The following CARD14 variants were observed in gnomAD, a reference collection of about 807,000 sequenced individuals.
CARD14 encodes caspase recruitment domain family member 14.
In CARD14, 107 loss-of-function variants were observed where a neutral mutation model predicts 111.5. The ratio of observed to expected loss-of-function variants is 0.96; its 90% CI spans 0.82 to 1.13. The LOEUF (loss-of-function observed/expected upper bound fraction) is 1.13, where lower values mean the gene tolerates loss of function less well. Ranked by LOEUF, CARD14 falls within the 50% of genes most tolerant of loss-of-function variation. The pLI is 0.00. For synonymous variants in CARD14, 617 were observed against 579.6 expected, an observed-to-expected ratio of 1.06 and a Z score of -0.93; for missense variants, 1,322 against 1,362.3, an observed-to-expected ratio of 0.97 and a Z score of 0.47.
At chr17:80,177,175 A>G (rs1349839552) in intron 2 of CARD14, among the ~76,000 whole-genome samples, 4 of 151,656 alleles carry the variant, frequency 2.6e-5, no homozygotes, top group Non-Finnish European at 5.9e-5. Flanking sequence ...CTCTGCCAAC[A>G]TGGGGTGATC....
rs372805579 is a variant in CARD14, at chr17:80,195,302, G to A, written c.1468G>A (p.Glu490Lys). 2.6e-5 allele frequency: 42 copies of A among 1,612,620 alleles called. No homozygotes were observed. The highest frequency in any genetic ancestry group is 3.2e-5 in the Non-Finnish European group (38 of 1,179,566). ...GCAGTCCCTGTACAAGCGGGTGGCC[G>A]AGGACTTCGGGGAAGAACCCTGGTC... is the stretch of plus-strand genomic sequence containing the variant. ...SQQSLYKRVA[E>K]DFGEEPWSFS... Residue 490 changes from glutamate to lysine, a missense_variant, in exon 13 of 24, where the codon GAG becomes AAG. Glu to Lys is a moderately conservative substitution (Grantham distance 56). Coordinates refer to ENST00000648509, the MANE Select transcript of CARD14 (RefSeq NM_001366385.1). This position sits in a 1 kb window ranked among gnomAD's most constrained non-coding sequence, Gnocchi z 4.7.
chr17:80,188,100 G>C lies in CARD14; in HGVS notation c.676-277G>C, dbSNP rs2040404928. ...AGAGATCCAGGAGTTGGTTATCAAGGCCTCTTGGTCTATTCCTGGGACCCT... is the reference window on the plus strand; with the variant it reads ...AGAGATCCAGGAGTTGGTTATCAAGCCCTCTTGGTCTATTCCTGGGACCCT... On this transcript the variant is annotated intron_variant, in intron 7 of 23. Transcript: ENST00000648509. The surrounding 1 kb of genome is among the most constrained non-coding windows in gnomAD (Gnocchi z 4.5). The C allele has an allele frequency of 1.9e-6, 1 of 529,698 alleles. No individual in the cohort carries two copies. Among genetic ancestry groups the C allele is most frequent in the Non-Finnish European group, 2.6e-6 (1 of 388,556 alleles). 32.8% of individuals were successfully genotyped at this position (529,698 alleles called of 1,614,324 possible).
intron 1 of CARD14, among the ~76,000 whole-genome samples, chr17:80,172,609 G>C (rs1275909228): frequency 6.6e-6 from 1 of 152,094 alleles, no homozygotes; most frequent in Non-Finnish European, 1.5e-5. Context: ...GCTCGGCGTC[G>C]GCGTGCCTTC....
intron 1 of CARD14, among the ~76,000 whole-genome samples, chr17:80,171,453 G>A (rs946475445): frequency 6.6e-6 from 1 of 151,862 alleles, no homozygotes; most frequent in Non-Finnish European, 1.5e-5. Flanking sequence ...AAAGTGCTGG[G>A]ATTACAGGCC....
chr17:80,173,723 C>A (rs2039963348), intron 2 of CARD14, among the ~76,000 whole-genome samples: 1 of 151,672 alleles, frequency 6.6e-6, no homozygotes, highest in African/African-American at 2.4e-5. Flanking sequence ...CTCAGCTTCC[C>A]AAGTAGCTGG....
intron 20 of CARD14, 73 bp downstream of exon 20, chr17:80,204,414 T>TG: frequency 7.1e-7 from 1 of 1,413,984 alleles, no homozygotes. Flanking sequence ...TGCTGCTAGT[T>TG]GGTCAGCTGG....
chr17:80,204,022 C>T, intron 19 of CARD14, 137 bp downstream of exon 19: 1 of 811,386 alleles, frequency 1.2e-6, no homozygotes, highest in Non-Finnish European at 1.9e-6. Context: ...CTCCTCTGCA[C>T]CCCTTCAAAC....
In CARD14 at chr17:80,181,514, C is replaced by T. The variant is rs2040173767; in HGVS notation, c.76C>T (p.His26Tyr). The change falls in exon 5 of 24, where the codon CAC (histidine) becomes TAC (tyrosine). Residue 26 changes from histidine to tyrosine, a missense_variant. Transcript: ENST00000648509. ...EETLWEMMESHRHRIVRCICP... is the reference protein window; with the variant it reads ...EETLWEMMESYRHRIVRCICP... The stretch of plus-strand genomic sequence containing the variant: ...GACACTGTGGGAGATGATGGAGAGC[C>T]ACCGCCACAGGATCGTACGCTGCAT... 9 of 1,586,670 alleles carry T rather than the reference C, an allele frequency of 5.7e-6. No individual in the cohort carries two copies. The highest frequency in any genetic ancestry group is 1.3e-5 in the African/African-American group (1 of 74,342).
intron 20 of CARD14, 37 bp from the exon 21 acceptor site, chr17:80,204,998 G>A (rs766362990): frequency 8.7e-6 from 13 of 1,502,458 alleles, no homozygotes; most frequent in Admixed American, 2.1e-5. Context: ...GGGGGCTGCC[G>A]CAGCCTCACC....
intron 1 of CARD14, among the ~76,000 whole-genome samples, chr17:80,171,604 C>T (rs759477587): frequency 3.9e-5 from 6 of 152,192 alleles, no homozygotes; most frequent in Non-Finnish European, 8.8e-5. Flanking sequence ...CTGTAAGTTG[C>T]TTCATGGCAA....
At chr17:80,187,922 A>C (rs913194134) in intron 7 of CARD14, 5 of 985,764 alleles carry the variant, frequency 5.1e-6, no homozygotes, top group Middle Eastern at 1.0e-3. Context: ...CCGCGTTCCC[A>C]GGCACGTCTA....
chr17:80,207,894 G>C (rs1458309675), intron 23 of CARD14, among the ~76,000 whole-genome samples: 1 of 152,044 alleles, frequency 6.6e-6, no homozygotes, highest in Non-Finnish European at 1.5e-5. Context: ...AAATTACTTG[G>C]TTTCCTGGGG....
chr17:80,175,977 TTTTTTTTTTTTTTTTA>T (rs2040016611), intron 2 of CARD14, among the ~76,000 whole-genome samples: 4 of 76,050 alleles, frequency 5.3e-5, no homozygotes, highest in African/African-American at 1.2e-4. Context: ...TTTTTTTTTT[TTTTTTTTTTTTTTTTA>T]AAAACGGGAT....
intron 18 of CARD14, chr17:80,202,741 G>C: frequency 3.7e-6 from 2 of 539,690 alleles, no homozygotes; most frequent in Non-Finnish European, 5.5e-6. Flanking sequence ...GCAGGATATA[G>C]AGCAGCATCC....
chr17:80,184,332 C>T, intron 7 of CARD14, 94 bp downstream of exon 7: 2 of 1,099,276 alleles, frequency 1.8e-6, no homozygotes, highest in South Asian at 3.9e-5. Context: ...CTCCTTTCCC[C>T]TCTTCCTTGT....
Position 80,195,517 on chromosome 17 carries a change from A to C in CARD14, c.1500-41A>C. The C allele has an allele frequency of 6.3e-7, 1 of 1,576,586 alleles. No individual in the cohort carries two copies. The highest frequency in any genetic ancestry group is 8.6e-7 in the Non-Finnish European group (1 of 1,158,106). ...TGGGGCGTGGGGACTCAGAGGGAGC[A>C]GGTGATGCAGTTTGAGCCTGCTGCT... On this transcript the variant is annotated intron_variant, in intron 13 of 23. Coordinates refer to ENST00000648509, the MANE Select transcript of CARD14 (RefSeq NM_001366385.1). The surrounding 1 kb of genome is among the most constrained non-coding windows in gnomAD (Gnocchi z 4.7).
chr17:80,191,420 T>A lies in CARD14; in HGVS notation c.1187T>A (p.Val396Asp). 6.2e-7 allele frequency: 1 copy of A among 1,613,780 alleles called. No individual in the cohort carries two copies. The highest frequency in any genetic ancestry group is 8.5e-7 in the Non-Finnish European group (1 of 1,180,008). Residue 396 changes from valine to aspartate, a missense_variant, in exon 11 of 24, where the codon GTC becomes GAC. Transcript: ENST00000648509. ...CAGGTGTTCGAGCTGACGGACCAGG[T>A]CTGCGAGCTGCGCACACAGCTTCGC... ...RRQVFELTDQ[V>D]CELRTQLRQL...
chr17:80,188,777 A>G lies in CARD14; in HGVS notation c.843+233A>G, dbSNP rs2040425034. The G allele has an allele frequency of 6.0e-6, 2 of 331,406 alleles. No homozygotes were observed. 20.5% of individuals were successfully genotyped at this position (331,406 alleles called of 1,614,324 possible). On this transcript the variant is annotated intron_variant, in intron 8 of 23. Coordinates refer to ENST00000648509, the MANE Select transcript of CARD14 (RefSeq NM_001366385.1). This position sits in a 1 kb window ranked among gnomAD's most constrained non-coding sequence, Gnocchi z 4.5. The stretch of plus-strand genomic sequence containing the variant: ...ACAGAATTAAAAGCTGGAACTGGGC[A>G]CAGTGGCTCATTCCTGTAATCCCAG...
Position 80,198,073 on chromosome 17 carries a change from T to C in CARD14, c.1595-26T>C. On this transcript the variant is annotated intron_variant, in intron 14 of 23. Coordinates refer to ENST00000648509, the MANE Select transcript of CARD14 (RefSeq NM_001366385.1). This position sits in a 1 kb window ranked among gnomAD's most constrained non-coding sequence, Gnocchi z 7.5. ...CCCATCAGCAGTGGGGTGACCAAGA[T>C]CTGTGAGCTCTTGGCTTCCTCCCAG... is the stretch of plus-strand genomic sequence containing the variant. 2 of 1,611,586 alleles carry C rather than the reference T, an allele frequency of 1.2e-6. No homozygotes were observed. Among genetic ancestry groups the C allele is most frequent in the East Asian group, 4.5e-5 (2 of 44,824 alleles).
Sources: allele counts gnomAD v4.1 joint callset (sites outside exome capture counted in the v4.1 genomes callset), GRCh38; gene constraint gnomAD v4.1.1; non-coding constraint Gnocchi (gnomAD v3.1); transcripts MANE v1.5; gene names NCBI Gene and HGNC (gene_info 2026-07-23, HGNC 2026-07-21).